The following ADAM19 variants were observed in gnomAD, a reference collection of about 807,000 sequenced individuals.
ADAM19 encodes the protein ADAM metallopeptidase domain 19, also known as disintegrin and metalloproteinase domain-containing protein 19.
Under a neutral mutation model 114.7 loss-of-function variants are expected in ADAM19, and 65 were observed. The ratio of observed to expected loss-of-function variants is 0.57; its 90% CI spans 0.46 to 0.70. ADAM19 has a LOEUF of 0.70. Among genes scored for constraint, ADAM19 ranks in the 30% least tolerant of loss-of-function variants. The pLI is 0.00. For synonymous variants in ADAM19, 466 were observed against 460.5 expected, an observed-to-expected ratio of 1.01 and a Z score of -0.15; for missense variants, 1,063 against 1,204.7, an observed-to-expected ratio of 0.88 and a Z score of 1.74.
chr5:157,497,120 C>A (rs1435928031), intron 13 of ADAM19, 31 bp from the exon 14 acceptor site: 15 of 1,469,582 alleles, frequency 1.0e-5, no homozygotes, highest in Non-Finnish European at 1.3e-5. Context: ...AAAACACAGT[C>A]AATCTCCTCC....
At chr5:157,520,275 A>AACCCCCACCCCACCCAACCACC (rs1756243864) in intron 5 of ADAM19, among the ~76,000 whole-genome samples, 1 of 41,986 alleles carries the variant, frequency 2.4e-5, no homozygotes, top group Non-Finnish European at 5.0e-5. Flanking sequence ...CCTCCACCCC[A>AACCCCCACCCCACCCAACCACC]ACCCCCACCC....
chr5:157,492,435 G>A (rs11466788), intron 16 of ADAM19, among the ~76,000 whole-genome samples: 11,463 of 152,146 alleles, frequency 0.075, 577 homozygotes, highest in African/African-American at 0.14. Context: ...GGGAGAAAAC[G>A]ACAAATATAT....
Position 157,502,789 on chromosome 5 carries a change from T to G in ADAM19, c.1308+14A>C, listed in dbSNP as rs545678053. The G allele has an allele frequency of 6.2e-7, 1 of 1,612,264 alleles. No individual in the cohort carries two copies. The highest frequency in any genetic ancestry group is 1.1e-5 in the South Asian group (1 of 91,008). ...AATTCTTCCCCTCCCACTAGCACCA[T>G]TGTGACCCCTCACCTCTTCTTCTCC... On this transcript the variant is annotated intron_variant, in intron 12 of 22. Coordinates refer to ENST00000257527, the MANE Select transcript of ADAM19 (RefSeq NM_033274.5).
chr5:157,483,866 C>A (rs553802613), intron 21 of ADAM19, among the ~76,000 whole-genome samples: 26 of 152,108 alleles, frequency 1.7e-4, no homozygotes, highest in Non-Finnish European at 3.7e-4. Context: ...ACTCTGACCT[C>A]AGGTGATCTG....
intron 2 of ADAM19, chr5:157,566,250 GT>G (rs541399693): frequency 1.6e-4 from 25 of 152,114 alleles, no homozygotes; most frequent in African/African-American, 4.1e-4. Context: ...ACTTTAAGTA[GT>G]TGTTAAATTA....
chr5:157,505,708 C>T lies in ADAM19; in HGVS notation c.1091G>A (p.Ser364Asn), dbSNP rs112756428. 6.2e-7 allele frequency: 1 copy of T among 1,614,136 alleles called. No homozygotes were observed. Among genetic ancestry groups the T allele is most frequent in the East Asian group, 2.2e-5 (1 of 44,882 alleles). The change falls in exon 11 of 23, where the codon AGT becomes AAT. Residue 364 changes from serine to asparagine, a missense_variant. Around this residue, in one of 3 missense-constraint regions of ADAM19, gnomAD observed 615 missense variants for 706.3 expected, o/e 0.87. Transcript: ENST00000257527. Reference sequence around the variant, plus strand: ...CATGATGCACCCACCATCAGCCGCACTGGCCGAGCAGCAATCTGCAGAATC... The same window carrying T: ...CATGATGCACCCACCATCAGCCGCATTGGCCGAGCAGCAATCTGCAGAATC... ...THDSADCCSASAADGGCIMAA... is the reference protein window; with the variant it reads ...THDSADCCSANAADGGCIMAA...
intron 9 of ADAM19, 82 bp downstream of exon 9, chr5:157,509,219 T>C: frequency 7.0e-7 from 1 of 1,419,994 alleles, no homozygotes. Context: ...ACACTCGCCA[T>C]GGGGCAAACT....
intron 20 of ADAM19, 140 bp from the exon 21 acceptor site, chr5:157,488,629 T>C (rs1755038697): frequency 3.1e-6 from 2 of 654,146 alleles, no homozygotes; most frequent in South Asian, 5.0e-5. Context: ...AGAAGTCAGA[T>C]GCAACCTTTA....
chr5:157,490,237 T>C (rs1386405709), intron 19 of ADAM19, 73 bp downstream of exon 19: 50 of 1,558,044 alleles, frequency 3.2e-5, no homozygotes, highest in Non-Finnish European at 4.2e-5. Flanking sequence ...CCAACACTTT[T>C]GCTAAGTACC....
At chr5:157,552,911 T>C (rs1757244190) in intron 3 of ADAM19, among the ~76,000 whole-genome samples, 1 of 152,286 alleles carries the variant, frequency 6.6e-6, no homozygotes, top group Non-Finnish European at 1.5e-5. Flanking sequence ...GAGATCATTA[T>C]GTTAAGTGAA....
rs1754676702 is a variant in ADAM19 at position 157,479,157 on chromosome 5, C to T, written c.*1792G>A. On this transcript the variant is annotated 3_prime_UTR_variant, in exon 23 of 23. Transcript: ENST00000257527. ...TGACCCACGGCAAGGACATGGGGAA[C>T]CTGTATCACAGCCACCCTGAGGGAA... 1 of 985,876 alleles carries T rather than the reference C, an allele frequency of 1.0e-6. No individual in the cohort carries two copies. Among genetic ancestry groups the T allele is most frequent in the Admixed American group, 6.1e-5 (1 of 16,288 alleles). The allele number at this position is 985,876 out of a possible 1,614,324, so 61.1% of individuals were successfully genotyped here.
At chr5:157,491,568 G>A (rs1479974379) in intron 18 of ADAM19, 47 bp downstream of exon 18, 38 of 1,342,894 alleles carry the variant, frequency 2.8e-5, no homozygotes, top group Non-Finnish European at 3.6e-5. Flanking sequence ...CCTGATGCCC[G>A]CTCTTCTCAC....
Position 157,489,094 on chromosome 5 carries a change from GCT to G in ADAM19, c.2325+6_2325+7del. The stretch of plus-strand genomic sequence containing the variant: ...AAGTAGCAAAGTTCAGTGGTGCAAA[GCT>G]CTTACCTTTCGCTTGCCCTGGGGCG... On this transcript the variant is annotated splice_donor_region_variant and intron_variant, in intron 20 of 22. Transcript: ENST00000257527. The G allele has an allele frequency of 6.2e-7, 1 of 1,612,692 alleles. No homozygotes were observed. Among genetic ancestry groups the G allele is most frequent in the East Asian group, 2.2e-5 (1 of 44,884 alleles).
chr5:157,513,403 C>G, intron 8 of ADAM19, 31 bp downstream of exon 8: 1 of 1,610,202 alleles, frequency 6.2e-7, no homozygotes, highest in South Asian at 1.1e-5. Context: ...GCACCTGGCA[C>G]CTTTCCCACA....
chr5:157,477,952 A>T lies in ADAM19; in HGVS notation c.*2997T>A, dbSNP rs1754641159. Reference sequence around the variant, plus strand: ...AGAAAAAGGCTTTACTTTTATAGGGAGAAGTCAGCAAGGCTGAAAGGAATC... The same window carrying T: ...AGAAAAAGGCTTTACTTTTATAGGGTGAAGTCAGCAAGGCTGAAAGGAATC... On this transcript the variant is annotated 3_prime_UTR_variant, in exon 23 of 23. Coordinates refer to ENST00000257527, the MANE Select transcript of ADAM19 (RefSeq NM_033274.5). 1 of 320,080 alleles carries T rather than the reference A, an allele frequency of 3.1e-6. No homozygotes were observed. Among genetic ancestry groups the T allele is most frequent in the Non-Finnish European group, 6.2e-6 (1 of 160,138 alleles). 19.8% of individuals were successfully genotyped at this position (320,080 alleles called of 1,614,324 possible). A position where few individuals can be genotyped will look rare whatever the true frequency, so the allele number is the denominator to read the frequency against.
chr5:157,522,032 A>C (rs1450561763), intron 5 of ADAM19, among the ~76,000 whole-genome samples: 2 of 152,224 alleles, frequency 1.3e-5, no homozygotes, highest in African/African-American at 4.8e-5. Context: ...TCACTTGAAC[A>C]AGCCTGTGAG....
At position 157,491,559 on chromosome 5, in the gene ADAM19, CT is replaced by C. The variant is rs762110868; in HGVS notation, c.2095+55del. On this transcript the variant is annotated intron_variant, in intron 18 of 22. Transcript: ENST00000257527. ...ATGCTCTGCAACATGCCACCTGCCC[CT>C]GATGCCCGCTCTTCTCACAAAAGCG... 7.6e-4 allele frequency: 981 copies of C among 1,283,422 alleles called. 4 individuals carry two copies. Among genetic ancestry groups the C allele is most frequent in the Non-Finnish European group, 9.7e-4 (920 of 949,830 alleles). The allele number at this position is 1,283,422 out of a possible 1,614,324, so 79.5% of individuals were successfully genotyped here.
intron 8 of ADAM19, among the ~76,000 whole-genome samples, chr5:157,509,953 G>A (rs1017985592): frequency 6.6e-6 from 1 of 152,236 alleles, no homozygotes; most frequent in Non-Finnish European, 1.5e-5. Flanking sequence ...AGATAGCTCA[G>A]AGCTGAGCTT....
At chr5:157,556,349 G>T (rs1757368624) in intron 3 of ADAM19, among the ~76,000 whole-genome samples, 1 of 150,826 alleles carries the variant, frequency 6.6e-6, no homozygotes, top group South Asian at 2.1e-4. Flanking sequence ...CTCCCGAGTA[G>T]CTGGGACTAC....
Sources: gnomAD v4.1 joint callset for allele counts (sites outside exome capture counted in the v4.1 genomes callset) on GRCh38, gnomAD v4.1.1 for gene constraint, gnomAD v4.1.1 regional missense constraint, MANE v1.5 for transcripts, NCBI Gene and HGNC (gene_info 2026-07-23, HGNC 2026-07-21) for gene names.